LRRC7: variants seen among roughly 807,000 people sequenced by gnomAD.
LRRC7 encodes the protein leucine rich repeat containing 7, also known as leucine-rich repeat-containing protein 7.
LRRC7 carries 23 observed loss-of-function variants against 175.7 expected under a neutral mutation model. The observed-to-expected ratio is 0.13, with a 90% CI of 0.09 to 0.19. LRRC7 has a LOEUF of 0.19. LRRC7 is among the 10% of genes least tolerant of loss of function. The pLI is 1.00. For missense variants in LRRC7, 1,354 were observed against 1,904.7 expected, an observed-to-expected ratio of 0.71 and a Z score of 5.38; for synonymous variants, 685 against 680.9, an observed-to-expected ratio of 1.01 and a Z score of -0.09.
At chr1:69,802,921 C>T (rs1676686747) in intron 4 of LRRC7, among the ~76,000 whole-genome samples, 1 of 151,266 alleles carries the variant, frequency 6.6e-6, no homozygotes, top group Non-Finnish European at 1.5e-5. Flanking sequence ...TTTCTTTTCA[C>T]ATTTGGATAT....
At chr1:69,626,637 C>T (rs1215191126) in intron 1 of LRRC7, among the ~76,000 whole-genome samples, 3 of 151,726 alleles carry the variant, frequency 2.0e-5, no homozygotes, top group Non-Finnish European at 1.5e-5. Context: ...CATACATATA[C>T]ATTTGCCATG....
At chr1:69,889,860 G>GAGA in intron 7 of LRRC7, among the ~76,000 whole-genome samples, 1 of 152,186 alleles carries the variant, frequency 6.6e-6, no homozygotes, top group African/African-American at 2.4e-5. Flanking sequence ...GGAGGAGGAG[G>GAGA]AGGAAAGAAA....
chr1:69,705,705 C>A (rs1663947121), intron 2 of LRRC7, among the ~76,000 whole-genome samples: 1 of 152,042 alleles, frequency 6.6e-6, no homozygotes. Context: ...ATTTGGGTTA[C>A]AGGAGGCCAT....
chr1:69,919,672 A>G, intron 7 of LRRC7: 2 of 951,136 alleles, frequency 2.1e-6, no homozygotes, highest in Non-Finnish European at 3.4e-6. Context: ...CTCCGGCCTC[A>G]CAATTCAGCG....
chr1:69,692,462 G>A (rs1303261315), intron 2 of LRRC7, among the ~76,000 whole-genome samples: 1 of 152,152 alleles, frequency 6.6e-6, no homozygotes, highest in Non-Finnish European at 1.5e-5. Flanking sequence ...AGCTAGAAGG[G>A]CATTTATTAG....
At chr1:69,973,910 G>GTTT (rs1181774862) in intron 8 of LRRC7, among the ~76,000 whole-genome samples, 2 of 152,076 alleles carry the variant, frequency 1.3e-5, no homozygotes, top group Non-Finnish European at 2.9e-5. Flanking sequence ...TTTGATCTCT[G>GTTT]TTTTAAAGAG....
chr1:69,617,669 G>A (rs549318356), intron 1 of LRRC7, among the ~76,000 whole-genome samples: 74 of 151,680 alleles, frequency 4.9e-4, no homozygotes, highest in Non-Finnish European at 8.5e-4. Flanking sequence ...ACGGTAGTCG[G>A]TTAGTATAAG....
intron 1 of LRRC7, among the ~76,000 whole-genome samples, chr1:69,651,142 A>G (rs7515290): frequency 0.1 from 15,943 of 152,250 alleles, 1,016 homozygotes; most frequent in African/African-American, 0.18. Flanking sequence ...TGAACTTAGA[A>G]GCATAAATAT....
At chr1:70,075,965 G>A in intron 23 of LRRC7, 112 bp from the exon 24 acceptor site, 1 of 1,085,380 alleles carries the variant, frequency 9.2e-7, no homozygotes, top group South Asian at 1.5e-5. Context: ...GGCCATGGCT[G>A]AGAGCCCAAA....
chr1:69,600,804 T>C (rs1410742269), intron 1 of LRRC7, among the ~76,000 whole-genome samples: 1 of 129,212 alleles, frequency 7.7e-6, no homozygotes, highest in Non-Finnish European at 1.6e-5. Flanking sequence ...TGGTTTCTTT[T>C]TTTTTTTTTT....
At chr1:69,904,262 G>T (rs1646226970) in intron 7 of LRRC7, among the ~76,000 whole-genome samples, 1 of 152,092 alleles carries the variant, frequency 6.6e-6, no homozygotes, top group Non-Finnish European at 1.5e-5. Flanking sequence ...TACAGAAAAA[G>T]AATTTTTGAG....
At chr1:69,621,819 A>G (rs932771483) in intron 1 of LRRC7, among the ~76,000 whole-genome samples, 4 of 152,104 alleles carry the variant, frequency 2.6e-5, no homozygotes, top group Admixed American at 6.5e-5. Context: ...TCTGACTTCT[A>G]TTGCATTCTG....
At chr1:69,695,149 C>G (rs946585202) in intron 2 of LRRC7, among the ~76,000 whole-genome samples, 2 of 152,100 alleles carry the variant, frequency 1.3e-5, no homozygotes, top group African/African-American at 4.8e-5. Flanking sequence ...GACATCCAAG[C>G]TGATGAAGTC....
intron 8 of LRRC7, among the ~76,000 whole-genome samples, chr1:69,933,567 C>T (rs1170705116): frequency 2.0e-5 from 3 of 152,140 alleles, no homozygotes; most frequent in Non-Finnish European, 4.4e-5. Context: ...ACTTCAACTT[C>T]CTTATCAATA....
At chr1:69,889,725 T>TGAGGTGG (rs201228434) in intron 7 of LRRC7, among the ~76,000 whole-genome samples, 4,203 of 152,262 alleles carry the variant, frequency 0.028, 191 homozygotes, top group African/African-American at 0.096. Context: ...GAGGATCACT[T>TGAGGTGG]GAGCCTGGCT....
intron 8 of LRRC7, among the ~76,000 whole-genome samples, chr1:69,972,183 T>A (rs1652305146): frequency 6.6e-6 from 1 of 152,220 alleles, no homozygotes; most frequent in Non-Finnish European, 1.5e-5. Context: ...GAAGACAGTG[T>A]TGGAAAAACC....
chr1:69,919,983 C>T (rs1646836970), intron 7 of LRRC7: 1 of 520,818 alleles, frequency 1.9e-6, no homozygotes, highest in Non-Finnish European at 3.4e-6. Flanking sequence ...GGGGGCCCTT[C>T]CAGACTGGGG....
chr1:69,957,202 A>G (rs1650584957), intron 8 of LRRC7, among the ~76,000 whole-genome samples: 1 of 151,894 alleles, frequency 6.6e-6, no homozygotes, highest in Non-Finnish European at 1.5e-5. Flanking sequence ...CAAATGGAAG[A>G]CAGGATAACT....
intron 2 of LRRC7, among the ~76,000 whole-genome samples, chr1:69,752,286 A>AATT (rs940483751): frequency 2.3e-4 from 35 of 152,288 alleles, no homozygotes; most frequent in Admixed American, 2.2e-3. Flanking sequence ...CTCAATGAAT[A>AATT]AGTCAGATAC....
Sources: allele counts gnomAD v4.1 joint callset (sites outside exome capture counted in the v4.1 genomes callset), GRCh38; gene constraint gnomAD v4.1.1; transcripts MANE v1.5; gene names NCBI Gene and HGNC (gene_info 2026-07-23, HGNC 2026-07-21).